The following TXNDC16 variants were observed in gnomAD, a reference collection of about 807,000 sequenced individuals.
The protein encoded by TXNDC16 is thioredoxin domain containing 16.
TXNDC16 carries 74 observed loss-of-function variants against 85.6 expected under a neutral mutation model. The observed-to-expected ratio is 0.86, with a 90% CI of 0.72 to 1.05. TXNDC16 has a LOEUF of 1.05. Among genes scored for constraint, TXNDC16 ranks in the 50% least tolerant of loss-of-function variants. TXNDC16 has a pLI of 0.00. For missense variants in TXNDC16, 959 were observed against 947.0 expected, an observed-to-expected ratio of 1.01 and a Z score of -0.17; for synonymous variants, 335 against 326.5, an observed-to-expected ratio of 1.03 and a Z score of -0.28.
At chr14:52,450,768 G>A (rs1365303815) in intron 18 of TXNDC16, among the ~76,000 whole-genome samples, 12 of 151,568 alleles carry the variant, frequency 7.9e-5, no homozygotes, top group South Asian at 6.2e-4. Flanking sequence ...GTGCACACAC[G>A]TTTATAGTAG....
At chr14:52,538,917 A>G (rs1229543160) in intron 4 of TXNDC16, among the ~76,000 whole-genome samples, 3 of 152,222 alleles carry the variant, frequency 2.0e-5, no homozygotes, top group Non-Finnish European at 4.4e-5. Flanking sequence ...TTAAAGTCAG[A>G]CTATAGCCAT....
chr14:52,516,960 C>T (rs2037097551), intron 7 of TXNDC16, among the ~76,000 whole-genome samples: 1 of 152,102 alleles, frequency 6.6e-6, no homozygotes, highest in South Asian at 2.1e-4. Flanking sequence ...AAATCCCAGC[C>T]TCTCAGGCCT....
At chr14:52,530,127 T>A (rs1244202694) in intron 6 of TXNDC16, among the ~76,000 whole-genome samples, 2 of 83,876 alleles carry the variant, frequency 2.4e-5, no homozygotes, top group South Asian at 8.2e-4. Context: ...TATATTTACA[T>A]ATTACAATTT....
chr14:52,488,417 G>A lies in TXNDC16; in HGVS notation c.1054C>T (p.His352Tyr), dbSNP rs769357909. Residue 352 changes from histidine (H) to tyrosine (Y), a missense_variant, in exon 12 of 21, where the codon CAC becomes TAC. Coordinates refer to ENST00000281741, the MANE Select transcript of TXNDC16 (RefSeq NM_020784.3). ...TCATCTTCTTGTATTTCCTCAATGT[G>A]CATATTATTTTCCACATGAGATATT... ...LIISHVENNM[H>Y]IEEIQEDEDN... The A allele has an allele frequency of 6.2e-7, 1 of 1,612,616 alleles. No individual in the cohort carries two copies. Among genetic ancestry groups the A allele is most frequent in the South Asian group, 1.1e-5 (1 of 90,974 alleles).
chr14:52,480,593 G>C (rs969581434), intron 14 of TXNDC16, among the ~76,000 whole-genome samples: 8 of 152,038 alleles, frequency 5.3e-5, no homozygotes, highest in Admixed American at 3.9e-4. Context: ...CCAATGATCA[G>C]GGAAATGCAA....
chr14:52,454,223 C>T (rs1191651474), intron 18 of TXNDC16, among the ~76,000 whole-genome samples: 1 of 151,794 alleles, frequency 6.6e-6, no homozygotes, highest in Non-Finnish European at 1.5e-5. Context: ...CTCAGGAGTT[C>T]GAGACCAGCC....
In TXNDC16 at chr14:52,439,364, C is replaced by T. The variant is rs1449939101; in HGVS notation, c.2034G>A (p.Leu678=). 9 of 1,613,662 alleles carry T rather than the reference C, an allele frequency of 5.6e-6. No individual in the cohort carries two copies. The South Asian group carries it at 6.6e-5, about 12-fold the overall frequency. ...LKNTPVGRGI[L]RAYFDPLPPL... The stretch of plus-strand genomic sequence containing the variant: ...GAGGCAGAGGATCAAAATATGCCCT[C>T]AAGATTCCTCTCCCCACTGGAGTAT... The change falls in exon 20 of 21, where the codon TTG becomes TTA. Residue 678 remains leucine, a synonymous_variant. Coordinates refer to ENST00000281741, the MANE Select transcript of TXNDC16 (RefSeq NM_020784.3).
chr14:52,548,287 C>G (rs1351852762), intron 1 of TXNDC16, among the ~76,000 whole-genome samples: 2 of 152,124 alleles, frequency 1.3e-5, no homozygotes, highest in African/African-American at 4.8e-5. Context: ...TGAGCAAGGG[C>G]CTTGAGCTTC....
rs553783498 is a variant in TXNDC16 at position 52,504,340 on chromosome 14, G to A, written c.756+6900C>T. On this transcript the variant is annotated intron_variant, in intron 9 of 20. Transcript: ENST00000281741. ...AGAGAGAAAGGTCGGGTTACCCACAGAGGGAAGTCCATCAGACTAACAGCT... is the reference window on the plus strand; with the variant it reads ...AGAGAGAAAGGTCGGGTTACCCACAAAGGGAAGTCCATCAGACTAACAGCT... Among the ~76,000 whole-genome samples the A allele has an allele frequency of 1.1e-4, 17 of 152,330 alleles. No homozygotes were observed. The East Asian group carries it at 2.9e-3, about 26-fold the overall frequency.
At chr14:52,546,449 C>T (rs1182641072) in intron 1 of TXNDC16, among the ~76,000 whole-genome samples, 5 of 152,160 alleles carry the variant, frequency 3.3e-5, no homozygotes, top group African/African-American at 1.2e-4. Flanking sequence ...AAGCTCCCTC[C>T]ATCCTCCACC....
intron 9 of TXNDC16, among the ~76,000 whole-genome samples, chr14:52,509,639 T>A (rs890836573): frequency 6.6e-6 from 1 of 151,008 alleles, no homozygotes; most frequent in African/African-American, 2.4e-5. Context: ...ACTTAAAGTA[T>A]AATAATAATA....
intron 4 of TXNDC16, among the ~76,000 whole-genome samples, chr14:52,538,380 G>C (rs2037751246): frequency 6.6e-6 from 1 of 152,068 alleles, no homozygotes. Flanking sequence ...ACCAGCCCTG[G>C]ATAGCTTATA....
At chr14:52,461,012 G>A (rs2035640287) in intron 16 of TXNDC16, among the ~76,000 whole-genome samples, 2 of 151,310 alleles carry the variant, frequency 1.3e-5, no homozygotes, top group African/African-American at 2.4e-5. Context: ...TAACAATTTT[G>A]AAGTTTTCTA....
At chr14:52,544,207 C>T (rs2037894154) in intron 2 of TXNDC16, 57 bp downstream of exon 2, 1 of 152,182 alleles carries the variant, frequency 6.6e-6, no homozygotes, top group African/African-American at 2.4e-5. Context: ...ATTCTATGTT[C>T]TGAAATCAAA....
intron 18 of TXNDC16, 147 bp downstream of exon 18, chr14:52,455,177 T>C: frequency 3.4e-6 from 3 of 890,728 alleles, no homozygotes; most frequent in Non-Finnish European, 3.3e-6. Flanking sequence ...GACTGAACAA[T>C]AAAACAGAAC....
Position 52,524,305 on chromosome 14 carries a change from T to A in TXNDC16, c.393-5012A>T, listed in dbSNP as rs118165227. Among the ~76,000 whole-genome samples, 80 of 152,332 alleles carry A rather than the reference T, an allele frequency of 5.3e-4. 1 individual carries two copies. The East Asian group carries it at 0.013, about 24-fold the overall frequency. ...TGACAGTTAAAAATAATTCTTCTAA[T>A]ACTTGAAGTTCATGTTATGAGTAGT... On this transcript the variant is annotated intron_variant, in intron 6 of 20. Coordinates refer to ENST00000281741, the MANE Select transcript of TXNDC16 (RefSeq NM_020784.3).
intron 4 of TXNDC16, among the ~76,000 whole-genome samples, chr14:52,538,125 C>A (rs1374900740): frequency 2.6e-5 from 4 of 152,188 alleles, no homozygotes; most frequent in Non-Finnish European, 4.4e-5. Context: ...TTCCCAACCT[C>A]CCCAACAGCC....
At chr14:52,527,335 C>T (rs925245915) in intron 6 of TXNDC16, among the ~76,000 whole-genome samples, 10 of 152,148 alleles carry the variant, frequency 6.6e-5, no homozygotes, top group African/African-American at 2.4e-4. Context: ...GAGGACACCC[C>T]GCTGATGTCA....
intron 9 of TXNDC16, among the ~76,000 whole-genome samples, chr14:52,509,891 G>C (rs568233979): frequency 6.6e-6 from 1 of 151,784 alleles, no homozygotes; most frequent in Non-Finnish European, 1.5e-5. Flanking sequence ...TGAGGCAGGA[G>C]AATGGCGTGA....
Sources: allele counts gnomAD v4.1 joint callset (sites outside exome capture counted in the v4.1 genomes callset), GRCh38; gene constraint gnomAD v4.1.1; transcripts MANE v1.5; gene names NCBI Gene and HGNC (gene_info 2026-07-23, HGNC 2026-07-21).